The following NPAS3 variants were observed in gnomAD, a reference collection of about 807,000 sequenced individuals.
NPAS3 encodes neuronal PAS domain-containing protein 3.
A neutral mutation model predicts 73.1 loss-of-function variants in NPAS3; 14 were observed. The observed-to-expected ratio is 0.19, with a 90% CI of 0.13 to 0.30. NPAS3 has a LOEUF of 0.30. Ranked by LOEUF, NPAS3 falls within the 10% of genes least tolerant of loss-of-function variation. The probability of loss-of-function intolerance (pLI) is 1.00; values close to 1 mark genes in which losing one functional copy is unlikely to be tolerated. For synonymous variants in NPAS3, 620 were observed against 541.5 expected (o/e 1.14, Z -2.01); for missense variants, 1,096 against 1,250.0 (o/e 0.88, Z 1.86).
At chr14:33,610,371 T>C (rs997596956) in intron 5 of NPAS3, among the ~76,000 whole-genome samples, 1 of 152,266 alleles carries the variant, frequency 6.6e-6, no homozygotes, top group East Asian at 1.9e-4. Flanking sequence ...CATCTCCTCA[T>C]TGTGCAAAGT....
At chr14:33,485,375 G>A (rs557641206) in intron 4 of NPAS3, among the ~76,000 whole-genome samples, 1 of 152,240 alleles carries the variant, frequency 6.6e-6, no homozygotes, top group South Asian at 2.1e-4. Flanking sequence ...GTGCTTGCCT[G>A]GGGTAATAAT....
At chr14:33,231,786 G>T (rs557082447) in intron 3 of NPAS3, among the ~76,000 whole-genome samples, 1 of 152,016 alleles carries the variant, frequency 6.6e-6, no homozygotes. Flanking sequence ...GAAAAGAAGG[G>T]GTGTTCAAAG....
At chr14:33,692,453 C>T (rs1283901701) in intron 6 of NPAS3, among the ~76,000 whole-genome samples, 2 of 152,092 alleles carry the variant, frequency 1.3e-5, no homozygotes, top group Non-Finnish European at 2.9e-5. Context: ...CACTTCCCAA[C>T]TGATAGAATA....
chr14:33,551,033 T>C (rs1302499230), intron 4 of NPAS3, among the ~76,000 whole-genome samples: 1 of 152,192 alleles, frequency 6.6e-6, no homozygotes, highest in Non-Finnish European at 1.5e-5. Flanking sequence ...GAATGATACA[T>C]AAAATAAAGA....
intron 2 of NPAS3, among the ~76,000 whole-genome samples, chr14:33,105,710 A>G (rs1382220753): frequency 6.6e-6 from 1 of 152,134 alleles, no homozygotes; most frequent in East Asian, 1.9e-4. Flanking sequence ...ATTTGGTGTT[A>G]TGTTCATAAT....
At chr14:33,339,452 A>G (rs556655097) in intron 3 of NPAS3, among the ~76,000 whole-genome samples, 2 of 152,348 alleles carry the variant, frequency 1.3e-5, no homozygotes, top group Admixed American at 6.5e-5. Flanking sequence ...AAGGGTGTTC[A>G]AAAAAGATGA....
intron 5 of NPAS3, among the ~76,000 whole-genome samples, chr14:33,669,767 C>A (rs576251623): frequency 5.9e-5 from 9 of 152,254 alleles, no homozygotes; most frequent in African/African-American, 1.9e-4. Flanking sequence ...TCTATTTCCC[C>A]GACAGTCTGC....
intron 4 of NPAS3, among the ~76,000 whole-genome samples, chr14:33,479,432 T>G (rs2051203626): frequency 6.6e-6 from 1 of 152,170 alleles, no homozygotes; most frequent in African/African-American, 2.4e-5. Context: ...GTCACCTAGA[T>G]GCTTATCTAG....
intron 3 of NPAS3, among the ~76,000 whole-genome samples, chr14:33,252,036 GGT>G (rs1458166256): frequency 1.5e-5 from 2 of 136,338 alleles, no homozygotes; most frequent in Non-Finnish European, 3.1e-5. Flanking sequence ...ACCTTTCGTG[GGT>G]GTTTGCGTGT....
intron 3 of NPAS3, among the ~76,000 whole-genome samples, chr14:33,320,401 C>T (rs2043390274): frequency 1.3e-5 from 2 of 152,092 alleles, no homozygotes; most frequent in Non-Finnish European, 2.9e-5. Flanking sequence ...AACAAATCTG[C>T]ACGTTGTGCA....
chr14:33,351,627 G>T (rs537275903), intron 3 of NPAS3, among the ~76,000 whole-genome samples: 2 of 152,152 alleles, frequency 1.3e-5, no homozygotes, highest in Non-Finnish European at 2.9e-5. Flanking sequence ...ATGCCATACC[G>T]CTTCTTTTTG....
At chr14:33,713,542 C>T (rs1449666680) in intron 6 of NPAS3, among the ~76,000 whole-genome samples, 1 of 152,248 alleles carries the variant, frequency 6.6e-6, no homozygotes, top group Non-Finnish European at 1.5e-5. Context: ...ATGCTTGATG[C>T]TTGACATCTC....
At chr14:33,261,341 T>G (rs182678904) in intron 3 of NPAS3, among the ~76,000 whole-genome samples, 30 of 152,260 alleles carry the variant, frequency 2.0e-4, no homozygotes, top group African/African-American at 4.8e-4. Context: ...ATGTGACTTT[T>G]TGGGCACTTG....
At chr14:32,946,508 T>A (rs1412850879) in intron 1 of NPAS3, among the ~76,000 whole-genome samples, 1 of 152,152 alleles carries the variant, frequency 6.6e-6, no homozygotes, top group African/African-American at 2.4e-5. Flanking sequence ...GGAAACTTTG[T>A]AGCGTGTGAT....
intron 4 of NPAS3, among the ~76,000 whole-genome samples, chr14:33,527,399 C>T (rs2053850188): frequency 6.6e-6 from 1 of 152,124 alleles, no homozygotes; most frequent in Non-Finnish European, 1.5e-5. Flanking sequence ...CATGTTGGTG[C>T]CTCAATTCTG....
chr14:33,129,922 C>T (rs2043571812), intron 2 of NPAS3, among the ~76,000 whole-genome samples: 1 of 152,086 alleles, frequency 6.6e-6, no homozygotes, highest in South Asian at 2.1e-4. Flanking sequence ...ATATATTTTA[C>T]TCACAGTTTC....
chr14:33,474,861 G>A (rs1272864157), intron 4 of NPAS3, among the ~76,000 whole-genome samples: 1 of 152,188 alleles, frequency 6.6e-6, no homozygotes, highest in East Asian at 1.9e-4. Context: ...AGTTCAAGTA[G>A]TCTTATGCTA....
chr14:33,064,730 A>G (rs2041222209), intron 2 of NPAS3, among the ~76,000 whole-genome samples: 1 of 152,138 alleles, frequency 6.6e-6, no homozygotes, highest in African/African-American at 2.4e-5. Context: ...AAGAACATCA[A>G]TGTTTTTGTA....
At chr14:33,551,081 A>G (rs917376536) in intron 4 of NPAS3, among the ~76,000 whole-genome samples, 2 of 152,240 alleles carry the variant, frequency 1.3e-5, no homozygotes, top group Admixed American at 6.5e-5. Context: ...TGAAATTAAC[A>G]TAGAAGGGTT....
Sources: allele counts gnomAD v4.1 joint callset (sites outside exome capture counted in the v4.1 genomes callset), GRCh38; gene constraint gnomAD v4.1.1; transcripts MANE v1.5; gene names NCBI Gene and HGNC (gene_info 2026-07-23, HGNC 2026-07-21).